ASTN2: variants seen among roughly 807,000 people sequenced by gnomAD.
ASTN2 encodes the protein astrotactin-2.
ASTN2 carries 54 observed loss-of-function variants against 139.8 expected under a neutral mutation model. The ratio of observed to expected loss-of-function variants is 0.39; its 90% CI spans 0.31 to 0.48. The LOEUF (loss-of-function observed/expected upper bound fraction) is 0.48. Ranked by LOEUF, ASTN2 falls within the 20% of genes least tolerant of loss-of-function variation. ASTN2 has a pLI of 0.95. For missense variants in ASTN2, 1,565 were observed against 1,725.1 expected (o/e 0.91, Z 1.64); for synonymous variants, 756 against 719.5 (o/e 1.05, Z -0.81).
chr9:117,339,328 G>A (rs1216033605), intron 1 of ASTN2, among the ~76,000 whole-genome samples: 1 of 152,114 alleles, frequency 6.6e-6, no homozygotes, highest in Admixed American at 6.5e-5. Flanking sequence ...CCGCATTGGA[G>A]CTGAGATTTG....
chr9:116,507,343 C>G (rs1224389473), intron 19 of ASTN2, among the ~76,000 whole-genome samples: 1 of 152,118 alleles, frequency 6.6e-6, no homozygotes, highest in African/African-American at 2.4e-5. Context: ...CTCCTGTTTT[C>G]CAGATGGAGA....
intron 13 of ASTN2, among the ~76,000 whole-genome samples, chr9:116,778,656 G>A (rs748198392): frequency 6.6e-6 from 1 of 152,048 alleles, no homozygotes; most frequent in African/African-American, 2.4e-5. Context: ...CTTGCACAAG[G>A]AACCCAGTGC....
chr9:116,964,206 A>C (rs1349961706), intron 10 of ASTN2, among the ~76,000 whole-genome samples: 2 of 147,314 alleles, frequency 1.4e-5, no homozygotes, highest in Non-Finnish European at 3.0e-5. Context: ...TTCTGACTAG[A>C]CTGCCCTGGG....
chr9:116,824,940 A>C (rs557280235), intron 11 of ASTN2, among the ~76,000 whole-genome samples: 51 of 152,308 alleles, frequency 3.3e-4, no homozygotes, highest in South Asian at 3.1e-3. Flanking sequence ...ACTAGGCAAT[A>C]TTGAAACAGG....
At chr9:116,803,513 TATATA>T (rs1564276179) in intron 13 of ASTN2, among the ~76,000 whole-genome samples, 6 of 8,490 alleles carry the variant, frequency 7.1e-4, no homozygotes, top group African/African-American at 2.0e-3. Flanking sequence ...TATATATATA[TATATA>T]TATATTTTTT....
At chr9:116,547,395 C>T (rs532467562) in intron 19 of ASTN2, 3 of 152,320 alleles carry the variant, frequency 2.0e-5, no homozygotes, top group Admixed American at 6.5e-5. Context: ...TGTCTAAAGT[C>T]ACATGGCCTG....
intron 13 of ASTN2, among the ~76,000 whole-genome samples, chr9:116,735,991 T>G (rs1828916165): frequency 6.6e-6 from 1 of 152,232 alleles, no homozygotes; most frequent in Non-Finnish European, 1.5e-5. Flanking sequence ...TACTTATTCT[T>G]CACCCAACTC....
chr9:116,977,177 A>C (rs1352042218), intron 7 of ASTN2, among the ~76,000 whole-genome samples: 1 of 152,236 alleles, frequency 6.6e-6, no homozygotes, highest in Non-Finnish European at 1.5e-5. Flanking sequence ...AGGTATAATC[A>C]GAAAATTGAA....
intron 10 of ASTN2, among the ~76,000 whole-genome samples, chr9:116,918,467 C>T (rs1834514140): frequency 6.6e-6 from 1 of 152,198 alleles, no homozygotes; most frequent in East Asian, 1.9e-4. Context: ...TCTCTCCCAG[C>T]TCTTCCCTGA....
At chr9:116,723,035 G>A (rs1339598276) in intron 16 of ASTN2, among the ~76,000 whole-genome samples, 1 of 151,996 alleles carries the variant, frequency 6.6e-6, no homozygotes, top group African/African-American at 2.4e-5. Context: ...CATGGTGGCG[G>A]GCGCCTGTAG....
At chr9:117,179,855 C>T (rs1303809598) in intron 3 of ASTN2, among the ~76,000 whole-genome samples, 2 of 152,138 alleles carry the variant, frequency 1.3e-5, no homozygotes, top group Non-Finnish European at 2.9e-5. Flanking sequence ...TACCCCCAAT[C>T]CCCTGGTTTT....
In ASTN2 at chr9:116,891,941, C is replaced by T. The variant is rs1482769456; in HGVS notation, c.1890-28208G>A. On this transcript the variant is annotated intron_variant, in intron 10 of 22. Coordinates refer to ENST00000313400, the MANE Select transcript of ASTN2 (RefSeq NM_001365068.1). ...TTCAAGGTATATAAGCTATTACCTA[C>T]TATAACTGCTAAGATGGAAAACCCT... Among the ~76,000 whole-genome samples, 5 of 152,152 alleles carry T rather than the reference C, an allele frequency of 3.3e-5. No individual in the cohort carries two copies. The East Asian group carries it at 9.6e-4, about 29-fold the overall frequency.
At chr9:116,777,376 C>T (rs1005064688) in intron 13 of ASTN2, among the ~76,000 whole-genome samples, 2 of 152,094 alleles carry the variant, frequency 1.3e-5, no homozygotes, top group East Asian at 1.9e-4. Context: ...TCACGGTCCT[C>T]GTAATTTTGC....
chr9:116,754,104 T>C (rs183486571), intron 13 of ASTN2, among the ~76,000 whole-genome samples: 2 of 152,162 alleles, frequency 1.3e-5, no homozygotes, highest in East Asian at 3.9e-4. Flanking sequence ...GAATAATGGT[T>C]TCCAGCTTCA....
At chr9:116,658,764 T>C (rs1321480296) in intron 16 of ASTN2, among the ~76,000 whole-genome samples, 6 of 140,862 alleles carry the variant, frequency 4.3e-5, no homozygotes, top group Admixed American at 1.4e-4. Context: ...TTTTTGCTTG[T>C]ACTGTGAAAG....
intron 3 of ASTN2, among the ~76,000 whole-genome samples, chr9:117,179,070 G>C (rs1830990282): frequency 1.3e-5 from 2 of 152,176 alleles, no homozygotes; most frequent in African/African-American, 2.4e-5. Context: ...CAGTCTATAT[G>C]ACACACCATT....
intron 13 of ASTN2, among the ~76,000 whole-genome samples, chr9:116,793,206 A>G (rs1830602748): frequency 6.6e-6 from 1 of 152,226 alleles, no homozygotes; most frequent in South Asian, 2.1e-4. Flanking sequence ...CTACGGATAT[A>G]TTAGTATGCT....
At chr9:116,973,320 T>TTATTAG (rs1420572076) in intron 10 of ASTN2, among the ~76,000 whole-genome samples, 3 of 152,192 alleles carry the variant, frequency 2.0e-5, no homozygotes, top group African/African-American at 7.2e-5. Flanking sequence ...ATTATTATTA[T>TTATTAG]TATTATTACC....
chr9:116,673,534 T>C (rs912693009), intron 16 of ASTN2, among the ~76,000 whole-genome samples: 1 of 152,146 alleles, frequency 6.6e-6, no homozygotes, highest in African/African-American at 2.4e-5. Flanking sequence ...TGATTTTAGT[T>C]GTAACTGGTT....
Sources: gnomAD v4.1 joint callset for allele counts (sites outside exome capture counted in the v4.1 genomes callset) on GRCh38, gnomAD v4.1.1 for gene constraint, MANE v1.5 for transcripts, NCBI Gene and HGNC (gene_info 2026-07-23, HGNC 2026-07-21) for gene names.